TAOK3: variants seen among roughly 807,000 people sequenced by gnomAD.
TAOK3 encodes the protein TAO kinase 3.
In TAOK3, 40 loss-of-function variants were observed where a neutral mutation model predicts 120.4. The ratio of observed to expected loss-of-function variants is 0.33; its 90% CI spans 0.26 to 0.43. The LOEUF (loss-of-function observed/expected upper bound fraction) is 0.43. TAOK3 is among the 20% of genes least tolerant of loss of function. TAOK3 has a pLI of 1.00. For missense variants in TAOK3, 821 were observed against 1,112.1 expected, an observed-to-expected ratio of 0.74 and a Z score of 3.72; for synonymous variants, 355 against 387.5, an observed-to-expected ratio of 0.92 and a Z score of 0.99.
intron 2 of TAOK3, among the ~76,000 whole-genome samples, chr12:118,263,029 T>A (rs1285051210): frequency 1.3e-5 from 2 of 152,116 alleles, no homozygotes; most frequent in Non-Finnish European, 2.9e-5. Flanking sequence ...GGACCCAGAA[T>A]AACCAAAGCA....
chr12:118,350,774 C>T (rs569050780), intron 1 of TAOK3, among the ~76,000 whole-genome samples: 8 of 150,814 alleles, frequency 5.3e-5, no homozygotes, highest in African/African-American at 4.9e-5. Context: ...GCAGGAGAAT[C>T]GCTTGAACCT....
chr12:118,164,188 C>G (rs1045848074), intron 17 of TAOK3, among the ~76,000 whole-genome samples: 1 of 151,004 alleles, frequency 6.6e-6, no homozygotes, highest in Admixed American at 6.6e-5. Context: ...TTAGCCGGGC[C>G]TGGTGGCGGG....
chr12:118,331,033 G>A (rs1170684240), intron 1 of TAOK3, among the ~76,000 whole-genome samples: 1 of 152,148 alleles, frequency 6.6e-6, no homozygotes, highest in African/African-American at 2.4e-5. Context: ...ACACAGGTCT[G>A]CAGTCTCGTT....
At chr12:118,369,434 T>C (rs536350676) in intron 1 of TAOK3, among the ~76,000 whole-genome samples, 4 of 152,324 alleles carry the variant, frequency 2.6e-5, no homozygotes, top group Non-Finnish European at 4.4e-5. Context: ...GTGGTTGAAA[T>C]GACTGCTTTA....
chr12:118,201,491 C>G, intron 11 of TAOK3, 28 bp from the exon 12 acceptor site: 1 of 1,588,090 alleles, frequency 6.3e-7, no homozygotes, highest in South Asian at 1.1e-5. Flanking sequence ...AAAAAATAAA[C>G]TGATAATGAA....
chr12:118,151,278 T>TGCGC lies in TAOK3; in HGVS notation c.2536-124_2536-121dup, dbSNP rs761134529. 1.1e-3 allele frequency: 698 copies of TGCGC among 631,800 alleles called. 1 individual carries two copies. Among genetic ancestry groups the TGCGC allele is most frequent in the African/African-American group, 0.011 (524 of 47,770 alleles). The allele number at this position is 631,800 out of a possible 1,614,324, so 39.1% of individuals were successfully genotyped here. A position where few individuals can be genotyped will look rare whatever the true frequency, so the allele number is the denominator to read the frequency against. ...CACACACATAGGCACACACATGAAG[T>TGCGC]GCGCGCGCGCGCACACACACACACA... On this transcript the variant is annotated intron_variant, in intron 20 of 20. Transcript: ENST00000392533.
At position 118,175,991 on chromosome 12, in the gene TAOK3, T is replaced by C. The variant is rs150199730; in HGVS notation, c.1695+1210A>G. On this transcript the variant is annotated intron_variant, in intron 16 of 20. Transcript: ENST00000392533. ...AACAAAAACATGGTCTGTGCTCTTA[T>C]GATGCTTACCAGTTAGTAGAGTAAG... Among the ~76,000 whole-genome samples the C allele has an allele frequency of 2.7e-3, 417 of 152,352 alleles. 3 individuals are homozygous for C. Among genetic ancestry groups the C allele is most frequent in the Middle Eastern group, 0.01 (3 of 294 alleles).
rs375640685 is a variant in TAOK3 at position 118,152,432 on chromosome 12, C to T, written c.2353-23G>A. The T allele has an allele frequency of 1.9e-5, 30 of 1,588,820 alleles. No homozygotes were observed. In the African/African-American group the frequency reaches 2.0e-4, roughly 11 times the overall value. On this transcript the variant is annotated intron_variant, in intron 19 of 20. Transcript: ENST00000392533. ...TAACTGCGGACACAGAAGACACACACGGTCATGCACCCTTGCCTACAGCCC... is the reference window on the plus strand; with the variant it reads ...TAACTGCGGACACAGAAGACACACATGGTCATGCACCCTTGCCTACAGCCC...
intron 17 of TAOK3, among the ~76,000 whole-genome samples, chr12:118,168,957 T>TTGCCTTCCTTCCTTCCTTCC (rs1300287948): frequency 5.4e-5 from 8 of 147,672 alleles, no homozygotes; most frequent in Admixed American, 2.7e-4. Flanking sequence ...GCTTGCTTGC[T>TTGCCTTCCTTCCTTCCTTCC]TTCCTTCCTT....
chr12:118,339,993 G>A (rs1383288213), intron 1 of TAOK3, among the ~76,000 whole-genome samples: 1 of 151,866 alleles, frequency 6.6e-6, no homozygotes, highest in East Asian at 1.9e-4. Context: ...ACCAAAAAAC[G>A]ATCACTTCCA....
chr12:118,349,207 A>G (rs1484573842), intron 1 of TAOK3, among the ~76,000 whole-genome samples: 2 of 152,186 alleles, frequency 1.3e-5, no homozygotes, highest in East Asian at 1.9e-4. Context: ...ATCATTTCAA[A>G]GCATTTTCAT....
At chr12:118,230,099 G>A (rs908884666) in intron 9 of TAOK3, among the ~76,000 whole-genome samples, 1 of 152,080 alleles carries the variant, frequency 6.6e-6, no homozygotes, top group Non-Finnish European at 1.5e-5. Flanking sequence ...TCTTCTAAAT[G>A]TTTAAAGTTT....
Position 118,235,544 on chromosome 12 carries a change from C to G in TAOK3, c.551+14G>C. On this transcript the variant is annotated intron_variant, in intron 8 of 20. Coordinates refer to ENST00000392533, the MANE Select transcript of TAOK3 (RefSeq NM_016281.4). ...AGATTTTAAAACTATGTCATATAGC[C>G]TAATTCTACATACCAGTAAGGTGTG... 1 of 1,597,712 alleles carries G rather than the reference C, an allele frequency of 6.3e-7. No individual in the cohort carries two copies. Among genetic ancestry groups the G allele is most frequent in the South Asian group, 1.1e-5 (1 of 90,558 alleles).
At chr12:118,215,377 T>C (rs980106429) in intron 9 of TAOK3, among the ~76,000 whole-genome samples, 1 of 144,442 alleles carries the variant, frequency 6.9e-6, no homozygotes, top group Non-Finnish European at 1.5e-5. Context: ...CTGGGCATGG[T>C]GGCAGGCACC....
chr12:118,262,806 G>A, intron 2 of TAOK3, among the ~76,000 whole-genome samples: 1 of 136,312 alleles, frequency 7.3e-6, no homozygotes. Flanking sequence ...CAGCCTGGGT[G>A]ACAGAGCAAG....
In TAOK3 at chr12:118,199,006, A is replaced by G. The variant is rs113662198; in HGVS notation, c.1194+45T>C. On this transcript the variant is annotated intron_variant, in intron 13 of 20. Coordinates refer to ENST00000392533, the MANE Select transcript of TAOK3 (RefSeq NM_016281.4). ...CTAAGTGACTTGAACTGGATTCGCTATGATTGACAAAGCTCACCTCTGTGG... is the reference window on the plus strand; with the variant it reads ...CTAAGTGACTTGAACTGGATTCGCTGTGATTGACAAAGCTCACCTCTGTGG... The G allele has an allele frequency of 9.7e-4, 1,565 of 1,605,908 alleles. 18 individuals carry two copies. In the African/African-American group the frequency reaches 0.019, roughly 19 times the overall value.
chr12:118,182,619 A>T (rs1479206059), intron 14 of TAOK3, among the ~76,000 whole-genome samples: 125 of 94,794 alleles, frequency 1.3e-3, no homozygotes, highest in Middle Eastern at 6.5e-3. Context: ...ATATATATAT[A>T]TATATTTTTT....
intron 1 of TAOK3, among the ~76,000 whole-genome samples, chr12:118,356,069 G>A (rs912829958): frequency 6.6e-6 from 1 of 152,076 alleles, no homozygotes; most frequent in Non-Finnish European, 1.5e-5. Context: ...AAAAGAATTA[G>A]GGAAGGGCAT....
intron 9 of TAOK3, among the ~76,000 whole-genome samples, chr12:118,231,633 A>AT (rs1204344916): frequency 6.6e-6 from 1 of 151,980 alleles, no homozygotes; most frequent in Non-Finnish European, 1.5e-5. Flanking sequence ...TAGACAAAGA[A>AT]TTTTTTTAGG....
Sources: gnomAD v4.1 joint callset for allele counts (sites outside exome capture counted in the v4.1 genomes callset) on GRCh38, gnomAD v4.1.1 for gene constraint, MANE v1.5 for transcripts, NCBI Gene and HGNC (gene_info 2026-07-23, HGNC 2026-07-21) for gene names.